The following DMBX1 variants were observed in gnomAD, a reference collection of about 807,000 sequenced individuals.
The protein encoded by DMBX1 is diencephalon/mesencephalon homeobox 1.
In DMBX1, 7 loss-of-function variants were observed where a neutral mutation model predicts 30.4. That is an observed-to-expected ratio of 0.23 (90% CI 0.13 to 0.43). DMBX1 has a LOEUF of 0.43. Among genes scored for constraint, DMBX1 ranks in the 20% least tolerant of loss-of-function variants. The pLI is 1.00. For synonymous variants in DMBX1, 222 were observed against 214.2 expected, an observed-to-expected ratio of 1.04 and a Z score of -0.32; for missense variants, 460 against 508.5, an observed-to-expected ratio of 0.90 and a Z score of 0.92.
chr1:46,512,439 G>T lies in DMBX1; in HGVS notation c.1079G>T (p.Arg360Leu), dbSNP rs897578121. Residue 360 changes from arginine (R) to leucine (L), a missense_variant, in exon 6 of 6, where the codon CGG becomes CTG. Physicochemically the swap from Arg to Leu is moderately radical, Grantham distance 102. Around this residue, in one of 3 missense-constraint regions of DMBX1, gnomAD observed 334 missense variants for 345.1 expected, o/e 0.97. Coordinates refer to ENST00000360032, the MANE Select transcript of DMBX1 (RefSeq NM_172225.2). This position sits in a 1 kb window ranked among gnomAD's most constrained non-coding sequence, Gnocchi z 4.8. ...NSKTTSIENLRLRAKQHAASL... is the reference protein window; with the variant it reads ...NSKTTSIENLLLRAKQHAASL... The stretch of plus-strand genomic sequence containing the variant: ...AAAACCACAAGCATCGAGAACCTGC[G>T]GCTCCGGGCCAAGCAGCACGCGGCC... The T allele has an allele frequency of 6.2e-7, 1 of 1,613,768 alleles. No homozygotes were observed. Among genetic ancestry groups the T allele is most frequent in the Non-Finnish European group, 8.5e-7 (1 of 1,179,936 alleles).
At chr1:46,494,407 C>T (rs955210354) in intron 2 of DMBX1, among the ~76,000 whole-genome samples, 20 of 152,242 alleles carry the variant, frequency 1.3e-4, no homozygotes, top group Non-Finnish European at 4.4e-5. Context: ...GGGCCTCCCT[C>T]AGTCTCGGCC....
intron 5 of DMBX1, 118 bp from the exon 6 acceptor site, chr1:46,511,925 T>C: frequency 2.9e-6 from 3 of 1,040,772 alleles, no homozygotes; most frequent in African/African-American, 1.6e-5. Flanking sequence ...ATGGATGTGG[T>C]TTCAGCCGAA....
intron 5 of DMBX1, among the ~76,000 whole-genome samples, chr1:46,511,784 A>G (rs1280739563): frequency 1.3e-5 from 2 of 152,122 alleles, no homozygotes; most frequent in African/African-American, 4.8e-5. Flanking sequence ...GGGGAAGTTT[A>G]CAGCCCTTGA....
intron 2 of DMBX1, among the ~76,000 whole-genome samples, chr1:46,501,255 T>C (rs918268736): frequency 7.2e-6 from 1 of 138,634 alleles, no homozygotes; most frequent in African/African-American, 2.8e-5. Flanking sequence ...TCTTTCTTTC[T>C]TTCTTTCTTT....
intron 2 of DMBX1, among the ~76,000 whole-genome samples, chr1:46,506,539 T>G (rs1404263833): frequency 6.6e-6 from 1 of 152,192 alleles, no homozygotes; most frequent in Non-Finnish European, 1.5e-5. Context: ...AAGCAGCAAA[T>G]GAATTTGTAA....
At position 46,512,105 on chromosome 1, in the gene DMBX1, C is replaced by G. The variant is rs144464601; in HGVS notation, c.745C>G (p.His249Asp). Residue 249 changes from histidine (H) to aspartate (D), a missense_variant, in exon 6 of 6, where the codon CAC (histidine) becomes GAC (aspartate). Physicochemically the swap from His to Asp is moderately conservative, Grantham distance 81. Coordinates refer to ENST00000360032, the MANE Select transcript of DMBX1 (RefSeq NM_172225.2). This position sits in a 1 kb window ranked among gnomAD's most constrained non-coding sequence, Gnocchi z 4.8. ...AGGGGGTGGCCTCCTGGGCCCCTCCCACTCCTATTCCTCGTCCCCGCTGAG... is the reference window on the plus strand; with the variant it reads ...AGGGGGTGGCCTCCTGGGCCCCTCCGACTCCTATTCCTCGTCCCCGCTGAG... ...APGGGLLGPS[H>D]SYSSSPLSLF... 3 of 1,613,842 alleles carry G rather than the reference C, an allele frequency of 1.9e-6. No individual in the cohort carries two copies. The African/African-American group carries it at 4.0e-5, about 22-fold the overall frequency.
chr1:46,496,112 T>G (rs1378197401), intron 2 of DMBX1, among the ~76,000 whole-genome samples: 6 of 152,126 alleles, frequency 3.9e-5, no homozygotes, highest in Non-Finnish European at 8.8e-5. Flanking sequence ...TTCTGCACCT[T>G]TGAGTGCCTG....
chr1:46,513,157 G>C lies in DMBX1; in HGVS notation c.*663G>C, dbSNP rs1017073152. The C allele has an allele frequency of 6.5e-6, 1 of 152,672 alleles. No individual in the cohort carries two copies. 9.5% of individuals were successfully genotyped at this position (152,672 alleles called of 1,614,324 possible). On this transcript the variant is annotated 3_prime_UTR_variant, in exon 6 of 6. Transcript: ENST00000360032. The stretch of plus-strand genomic sequence containing the variant: ...GGTGTTGGCTGTGTTGGTATCATCA[G>C]TTCTTGAGCTATATTTTGTTTGGGG...
chr1:46,509,808 C>G (rs79127701), intron 3 of DMBX1, among the ~76,000 whole-genome samples: 9,289 of 152,144 alleles, frequency 0.061, 721 homozygotes, highest in African/African-American at 0.18. Context: ...CTGCCACCCC[C>G]ACCCTCCCCG....
rs1477492450 is a variant in DMBX1 at position 46,510,955 on chromosome 1, G to A, written c.354G>A (p.Arg118=). ...ARVQVWFKNR[R]AKFRKKQRSL... is the part of the protein sequence containing the mutation. Reference sequence around the variant, plus strand: ...CCCAGGTGTGGTTCAAGAACCGCCGGGCCAAGTTCCGGAAGAAGCAGCGTA... The same window carrying A: ...CCCAGGTGTGGTTCAAGAACCGCCGAGCCAAGTTCCGGAAGAAGCAGCGTA... Residue 118 remains arginine, a synonymous_variant, in exon 5 of 6, where the codon CGG becomes CGA. Transcript: ENST00000360032. The surrounding 1 kb of genome is among the most constrained non-coding windows in gnomAD (Gnocchi z 4.1). 1.9e-6 allele frequency: 3 copies of A among 1,607,652 alleles called. No homozygotes were observed. The South Asian group carries it at 3.3e-5, about 18-fold the overall frequency.
At chr1:46,495,205 T>C (rs999509274) in intron 2 of DMBX1, among the ~76,000 whole-genome samples, 5 of 152,228 alleles carry the variant, frequency 3.3e-5, no homozygotes, top group Admixed American at 1.3e-4. Context: ...CCCTTCAAGC[T>C]GGAATTCATG....
At chr1:46,507,217 G>C (rs1436519307) in intron 3 of DMBX1, 53 bp downstream of exon 3, 1 of 1,591,772 alleles carries the variant, frequency 6.3e-7, no homozygotes, top group Non-Finnish European at 8.6e-7. Context: ...GGTTGGGGGA[G>C]AAGGCTCTGG....
Position 46,510,509 on chromosome 1 carries a change from A to G in DMBX1, c.188A>G (p.His63Arg), listed in dbSNP as rs775079662. 8 of 1,614,090 alleles carry G rather than the reference A, an allele frequency of 5.0e-6. No individual in the cohort carries two copies. The South Asian group carries it at 6.6e-5, about 13-fold the overall frequency. ...TTGGAGGCCCGTTATGGTTCCCAGC[A>G]CCGCAAACAACGTCGCAGCCGCACA... is the stretch of plus-strand genomic sequence containing the variant. The part of the protein sequence containing the change: ...IILEARYGSQ[H>R]RKQRRSRTAF... Residue 63 changes from histidine (H) to arginine (R), a missense_variant, in exon 4 of 6, where the codon CAC (histidine) becomes CGC (arginine). By Grantham distance (29) the His-to-Arg change is conservative (BLOSUM62 0). Coordinates refer to ENST00000360032, the MANE Select transcript of DMBX1 (RefSeq NM_172225.2). This position sits in a 1 kb window ranked among gnomAD's most constrained non-coding sequence, Gnocchi z 4.1.
chr1:46,505,076 C>A (rs1340470854), intron 2 of DMBX1, among the ~76,000 whole-genome samples: 1 of 149,440 alleles, frequency 6.7e-6, no homozygotes, highest in East Asian at 2.0e-4. Context: ...GTTAGAATGG[C>A]AATCATTAAA....
intron 2 of DMBX1, among the ~76,000 whole-genome samples, chr1:46,500,607 C>G (rs1666107265): frequency 7.1e-6 from 1 of 141,648 alleles, no homozygotes; most frequent in Admixed American, 7.4e-5. Flanking sequence ...CACGTGTAAT[C>G]CCATTTGCTA....
chr1:46,508,686 A>G (rs1666287946), intron 3 of DMBX1, among the ~76,000 whole-genome samples: 1 of 152,020 alleles, frequency 6.6e-6, no homozygotes, highest in Non-Finnish European at 1.5e-5. Context: ...CCCACCCCCA[A>G]CTCTCTAATT....
Position 46,513,071 on chromosome 1 carries a change from C to G in DMBX1, c.*577C>G, listed in dbSNP as rs1414805502. On this transcript the variant is annotated 3_prime_UTR_variant, in exon 6 of 6. Transcript: ENST00000360032. The stretch of plus-strand genomic sequence containing the variant: ...CCCTGCCCCCGTCTCGGCCCAGCCT[C>G]TGTATTCTCCACCCTTGATCTTTCT... The G allele has an allele frequency of 6.5e-6, 1 of 153,742 alleles. No homozygotes were observed. Among genetic ancestry groups the G allele is most frequent in the African/African-American group, 2.4e-5 (1 of 41,446 alleles). The allele number at this position is 153,742 out of a possible 1,614,324, so 9.5% of individuals were successfully genotyped here. A position where few individuals can be genotyped will look rare whatever the true frequency, so the allele number is the denominator to read the frequency against.
rs973509101 is a variant in DMBX1, at chr1:46,491,565, C to T, written c.-13+782C>T. 3.3e-5 allele frequency among the ~76,000 whole-genome samples: 5 copies of T among 152,314 alleles called. No individual in the cohort carries two copies. Among genetic ancestry groups the T allele is most frequent in the Admixed American group, 2.6e-4 (4 of 15,300 alleles). On this transcript the variant is annotated intron_variant, in intron 2 of 5. Transcript: ENST00000360032. The surrounding 1 kb of genome is among the most constrained non-coding windows in gnomAD (Gnocchi z 5.5). ...GTCTGTACCGCAAGGGTTGTGTGCTCCACAGCCGAGGAAATTGTGCAAGTT... is the reference window on the plus strand; with the variant it reads ...GTCTGTACCGCAAGGGTTGTGTGCTTCACAGCCGAGGAAATTGTGCAAGTT...
intron 2 of DMBX1, among the ~76,000 whole-genome samples, chr1:46,502,548 T>G (rs1666157569): frequency 6.6e-6 from 1 of 152,122 alleles, no homozygotes; most frequent in African/African-American, 2.4e-5. Flanking sequence ...TCTTCTTGCA[T>G]CTCTGCAGTT....
Sources: allele counts gnomAD v4.1 joint callset (sites outside exome capture counted in the v4.1 genomes callset), GRCh38; gene constraint gnomAD v4.1.1; regional missense constraint gnomAD v4.1.1; non-coding constraint Gnocchi (gnomAD v3.1); transcripts MANE v1.5; gene names NCBI Gene and HGNC (gene_info 2026-07-23, HGNC 2026-07-21).